Variants in IL18BP observed in about 807,000 individuals in gnomAD.
IL18BP encodes the protein interleukin-18-binding protein.
In IL18BP, 23 loss-of-function variants were observed where a neutral mutation model predicts 19.9. That is an observed-to-expected ratio of 1.15 (90% CI 0.83 to 1.64). IL18BP has a LOEUF of 1.64. IL18BP is among the 40% of genes most tolerant of loss of function. The pLI is 0.00. For synonymous variants in IL18BP, 107 were observed against 101.0 expected, an observed-to-expected ratio of 1.06 and a Z score of -0.35; for missense variants, 239 against 240.7, an observed-to-expected ratio of 0.99 and a Z score of 0.05.
downstream of IL18BP, chr11:72,007,367 C>T (rs149588226): frequency 7.1e-4 from 1,148 of 1,613,628 alleles, 6 homozygotes; most frequent in African/African-American, 0.014. Context: ...GGGGGGCAGG[C>T]GCTGGGAGAT....
chr11:72,005,157 C>T, downstream of IL18BP: 1 of 1,451,732 alleles, frequency 6.9e-7, no homozygotes, highest in Non-Finnish European at 9.2e-7. Flanking sequence ...GGCCCTAGTG[C>T]TCAGGCTAGA....
In IL18BP at chr11:72,001,208, G is replaced by T; in HGVS notation, c.243G>T (p.Thr81=). 1 of 1,614,118 alleles carries T rather than the reference G, an allele frequency of 6.2e-7. No individual in the cohort carries two copies. The highest frequency in any genetic ancestry group is 1.1e-5 in the South Asian group (1 of 91,078). Residue 81 remains threonine (T), a synonymous_variant, in exon 4 of 6, where the codon ACG becomes ACT. Transcript: ENST00000393703. ...TGCTGCCTGTGTCCCTAGATGGAAC[G>T]CTGAGCTTATCCTGTGTGGCCTGCA... ...WPEVEVPLNG[T]LSLSCVACSR...
downstream of IL18BP, chr11:72,003,629 CCT>C (rs1277031609): frequency 9.8e-6 from 15 of 1,527,744 alleles, no homozygotes; most frequent in Middle Eastern, 3.4e-4. Context: ...CTCCCACGCC[CCT>C]GTCTGGATCC....
chr11:72,003,851 T>C (rs775324210), downstream of IL18BP: 2 of 1,605,462 alleles, frequency 1.2e-6, no homozygotes, highest in East Asian at 2.2e-5. Flanking sequence ...CATGCTCTCA[T>C]CGGGTTTCCC....
At chr11:72,007,252 CGAGTCCAGGAAGACGTCTCCCAGG>C (rs749240370), downstream of IL18BP, 139 of 1,612,588 alleles carry the variant, frequency 8.6e-5, no homozygotes, top group Non-Finnish European at 1.2e-4. Flanking sequence ...TCTTACGACC[CGAGTCCAGGAAGACGTCTCCCAGG>C]GAGTCCAGGC....
downstream of IL18BP, chr11:72,007,724 GC>G (rs369185938): frequency 3.7e-4 from 173 of 467,730 alleles, no homozygotes; most frequent in African/African-American, 3.2e-3. Context: ...CCCAATCTAA[GC>G]CCACTTCTCT....
At chr11:72,003,552 AGT>A (rs1287841241), downstream of IL18BP, 1 of 1,614,150 alleles carries the variant, frequency 6.2e-7, no homozygotes, top group Non-Finnish European at 8.5e-7. Flanking sequence ...AAAGAGACAC[AGT>A]CACATGGCCA....
rs1955287584 is a variant in IL18BP at position 72,002,119 on chromosome 11, C to A, written c.*258C>A. ...CCATTAGCCTTCCTAACGTCCTACTCCTCACACTGCTCTACTGCTCAGAAA... is the reference window on the plus strand; with the variant it reads ...CCATTAGCCTTCCTAACGTCCTACTACTCACACTGCTCTACTGCTCAGAAA... On this transcript the variant is annotated 3_prime_UTR_variant, in exon 6 of 6. Transcript: ENST00000393703. 1 of 585,200 alleles carries A rather than the reference C, an allele frequency of 1.7e-6. No individual in the cohort carries two copies. Among genetic ancestry groups the A allele is most frequent in the Non-Finnish European group, 3.1e-6 (1 of 325,750 alleles). 36.3% of individuals were successfully genotyped at this position (585,200 alleles called of 1,614,324 possible).
At chr11:71,999,888 G>T in intron 1 of IL18BP, 39 bp from the exon 2 acceptor site, 1 of 1,256,774 alleles carries the variant, frequency 8.0e-7, no homozygotes, top group Non-Finnish European at 1.1e-6. Flanking sequence ...GAGAAAAAGC[G>T]GGAGTGGTTT....
downstream of IL18BP, chr11:72,004,522 G>T: frequency 8.0e-7 from 1 of 1,247,292 alleles, no homozygotes; most frequent in Non-Finnish European, 1.1e-6. Flanking sequence ...GGCCCTTGGA[G>T]AGAGGGAAAG....
chr11:72,004,250 T>G (rs1955510824), downstream of IL18BP: 1 of 1,611,658 alleles, frequency 6.2e-7, no homozygotes, highest in African/African-American at 1.3e-5. Context: ...TGGAGCTGCT[T>G]TCTTCTGGGC....
At chr11:72,001,617 A>G in intron 5 of IL18BP, 65 bp downstream of exon 5, 2 of 1,589,808 alleles carry the variant, frequency 1.3e-6, no homozygotes, top group Non-Finnish European at 1.7e-6. Context: ...TGGGGAGGAA[A>G]GGGTGGGCTC....
In IL18BP at chr11:72,000,548, G is replaced by GTGCC. The variant is rs769933217; in HGVS notation, c.227_230dup (p.Leu78AlafsTer32). The GTGCC allele has an allele frequency of 1.2e-5, 20 of 1,610,182 alleles. No individual in the cohort carries two copies. Among genetic ancestry groups the GTGCC allele is most frequent in the Non-Finnish European group, 1.7e-5 (20 of 1,179,920 alleles). ...GGAAGTGACCTGGCCAGAGGTGGAA[G>GTGCC]TGCCACTGAGTAAGAAGCACAGTGG... On this transcript the variant is annotated frameshift_variant, in exon 3 of 6. Coordinates refer to ENST00000393703, the MANE Select transcript of IL18BP (RefSeq NM_001039660.2). LOFTEE classifies it high-confidence loss of function.
At chr11:72,005,104 T>G, downstream of IL18BP, 1 of 1,104,974 alleles carries the variant, frequency 9.0e-7, no homozygotes, top group Non-Finnish European at 1.3e-6. Context: ...CCTGGAAACA[T>G]GAGAAGGTCA....
Position 71,999,924 on chromosome 11 carries a change from CAGAGAAGAGG to C in IL18BP, c.-58-1_-50del. The C allele has an allele frequency of 6.3e-7, 1 of 1,583,910 alleles. No homozygotes were observed. Among genetic ancestry groups the C allele is most frequent in the South Asian group, 1.1e-5 (1 of 89,320 alleles). On this transcript the variant is annotated splice_acceptor_variant and 5_prime_UTR_variant, in exon 2 of 6. Transcript: ENST00000393703. LOFTEE classifies it low-confidence loss of function (5UTR_SPLICE). ...ACCATTCTCCTCCCCCACCTTTCAC[CAGAGAAGAGG>C]ACGTTGTCACAGATAAAGAGCCAGG... is the stretch of plus-strand genomic sequence containing the variant.
Position 72,001,917 on chromosome 11 carries a change from G to A in IL18BP, c.*56G>A. The A allele has an allele frequency of 6.2e-7, 1 of 1,610,454 alleles. No individual in the cohort carries two copies. The highest frequency in any genetic ancestry group is 8.5e-7 in the Non-Finnish European group (1 of 1,178,212). ...CTTGACCAGAGCTTGGGTCCTACCTGTCTACCTGGAGTGAACAGTCCCTGA... is the reference window on the plus strand; with the variant it reads ...CTTGACCAGAGCTTGGGTCCTACCTATCTACCTGGAGTGAACAGTCCCTGA... On this transcript the variant is annotated 3_prime_UTR_variant, in exon 6 of 6. Transcript: ENST00000393703.
chr11:72,006,040 G>C (rs1444912123), downstream of IL18BP: 1 of 1,610,844 alleles, frequency 6.2e-7, no homozygotes, highest in Admixed American at 1.7e-5. Flanking sequence ...CTCACCTGGA[G>C]GGGCCCCACT....
At chr11:72,006,170 A>G (rs1565188275), downstream of IL18BP, 1 of 1,614,108 alleles carries the variant, frequency 6.2e-7, no homozygotes, top group Non-Finnish European at 8.5e-7. Context: ...GACTGAGTAG[A>G]GGAGGTGGCT....
downstream of IL18BP, chr11:72,007,154 T>A: frequency 1.9e-6 from 3 of 1,599,382 alleles, no homozygotes; most frequent in Non-Finnish European, 2.5e-6. Context: ...GAAGTGGGAA[T>A]TGCTGCCCTG....
Sources: allele counts gnomAD v4.1 joint callset, GRCh38; gene constraint gnomAD v4.1.1; transcripts MANE v1.5; gene names NCBI Gene and HGNC (gene_info 2026-07-23, HGNC 2026-07-21).